The following MBP variants were observed in gnomAD, a reference collection of about 807,000 sequenced individuals.
MBP encodes Golli-MBP.
In MBP, 16 loss-of-function variants were observed where a neutral mutation model predicts 35.8. The ratio of observed to expected loss-of-function variants is 0.45; its 90% confidence interval spans 0.30 to 0.68. MBP has a LOEUF of 0.68. Among genes scored for constraint, MBP ranks in the 30% least tolerant of loss-of-function variants. MBP has a pLI of 0.08. For missense variants in MBP, 380 were observed against 404.7 expected (o/e 0.94, Z 0.52); for synonymous variants, 143 against 159.6 (o/e 0.90, Z 0.78).
intron 2 of MBP, among the ~76,000 whole-genome samples, chr18:77,084,410 C>A (rs763954158): frequency 2.1e-5 from 1 of 47,610 alleles, no homozygotes; most frequent in Admixed American, 2.3e-4. Context: ...ATCACAACAC[C>A]GCCCCCCCCG....
intron 4 of MBP, among the ~76,000 whole-genome samples, chr18:77,010,686 C>T (rs1373018043): frequency 1.3e-5 from 2 of 152,220 alleles, no homozygotes; most frequent in Non-Finnish European, 2.9e-5. Flanking sequence ...GCAGGAGCTA[C>T]GCATTCACCT....
At chr18:76,991,880 A>G (rs1969946850) in intron 4 of MBP, among the ~76,000 whole-genome samples, 1 of 152,204 alleles carries the variant, frequency 6.6e-6, no homozygotes. Context: ...CAGTTTTGCC[A>G]CCAAAGGCCT....
At chr18:77,012,838 T>A in intron 4 of MBP, 1 of 985,382 alleles carries the variant, frequency 1.0e-6, no homozygotes, top group African/African-American at 1.7e-5. Flanking sequence ...GGCAGAAAAA[T>A]ATATAAAGCC....
chr18:77,100,391 A>G (rs936062291), intron 2 of MBP, among the ~76,000 whole-genome samples: 2 of 152,106 alleles, frequency 1.3e-5, no homozygotes, highest in Non-Finnish European at 2.9e-5. Context: ...CTAGTCTGCT[A>G]TTTTGTTATG....
intron 3 of MBP, among the ~76,000 whole-genome samples, chr18:77,053,287 T>A (rs1333924177): frequency 6.6e-6 from 1 of 152,208 alleles, no homozygotes; most frequent in Non-Finnish European, 1.5e-5. Context: ...GGGGCCCCAC[T>A]GCAGGTCCAG....
At chr18:77,097,170 A>T (rs1009744457) in intron 2 of MBP, 27 of 152,156 alleles carry the variant, frequency 1.8e-4, no homozygotes, top group Admixed American at 1.2e-3. Flanking sequence ...CGGGGCAAGG[A>T]CTCCCCTGAT....
At chr18:77,041,871 A>G (rs567053046) in intron 3 of MBP, among the ~76,000 whole-genome samples, 1 of 151,884 alleles carries the variant, frequency 6.6e-6, no homozygotes, top group African/African-American at 2.4e-5. Flanking sequence ...TGGCACATGT[A>G]TACATATGTA....
chr18:77,133,076 GCTTGGCCTCCGAAC>G (rs1977339960), upstream of MBP, among the ~76,000 whole-genome samples: 1 of 152,102 alleles, frequency 6.6e-6, no homozygotes, highest in Non-Finnish European at 1.5e-5. Context: ...CCGTTCGGAG[GCTTGGCCTCCGAAC>G]CCACCCCGAC....
chr18:77,090,779 A>G (rs1975483482), intron 2 of MBP, among the ~76,000 whole-genome samples: 2 of 152,180 alleles, frequency 1.3e-5, no homozygotes, highest in South Asian at 2.1e-4. Context: ...CATGTCCTCT[A>G]GCACTGTGTC....
At chr18:77,018,596 CCCT>C (rs61721970) in intron 3 of MBP, among the ~76,000 whole-genome samples, 14,611 of 140,554 alleles carry the variant, frequency 0.1, 979 homozygotes, top group East Asian at 0.24. Context: ...ATCCACCCAC[CCCT>C]CCATCTATCC....
chr18:76,994,534 G>C (rs1970160064), intron 4 of MBP, among the ~76,000 whole-genome samples: 1 of 152,172 alleles, frequency 6.6e-6, no homozygotes, highest in Non-Finnish European at 1.5e-5. Flanking sequence ...CTTCACATGT[G>C]AATTATGAAT....
chr18:77,120,108 T>TCCCG (rs1278228876), intron 1 of MBP, among the ~76,000 whole-genome samples: 1 of 152,142 alleles, frequency 6.6e-6, no homozygotes, highest in East Asian at 1.9e-4. Context: ...GAAGCATGAA[T>TCCCG]CCCGCCTTGT....
chr18:77,054,089 G>C (rs1272039303), intron 3 of MBP, among the ~76,000 whole-genome samples: 10 of 152,216 alleles, frequency 6.6e-5, no homozygotes, highest in Admixed American at 6.5e-4. Context: ...CCCTTGGGCT[G>C]TCCTCCCGGT....
At chr18:77,046,611 C>G (rs531020706) in intron 3 of MBP, among the ~76,000 whole-genome samples, 6 of 152,370 alleles carry the variant, frequency 3.9e-5, no homozygotes, top group African/African-American at 1.4e-4. Flanking sequence ...GGGGCAAGGC[C>G]AGGGCCGGGC....
chr18:77,055,689 T>C (rs774440798), intron 3 of MBP, among the ~76,000 whole-genome samples: 31 of 152,156 alleles, frequency 2.0e-4, no homozygotes, highest in South Asian at 6.2e-4. Flanking sequence ...ATTATTGCTT[T>C]AAATAAGGTG....
At chr18:77,077,630 C>T (rs532122036) in intron 2 of MBP, among the ~76,000 whole-genome samples, 55 of 152,138 alleles carry the variant, frequency 3.6e-4, no homozygotes, top group Non-Finnish European at 5.9e-4. Context: ...CGTGACTCCT[C>T]GATGCTGGGC....
intron 4 of MBP, among the ~76,000 whole-genome samples, chr18:76,993,878 A>G (rs959652889): frequency 1.3e-5 from 2 of 152,198 alleles, no homozygotes; most frequent in African/African-American, 4.8e-5. Context: ...GAACGTGAGG[A>G]TGTCAGAAGG....
At chr18:77,024,177 G>A (rs1972106470) in intron 3 of MBP, among the ~76,000 whole-genome samples, 1 of 152,216 alleles carries the variant, frequency 6.6e-6, no homozygotes, top group Non-Finnish European at 1.5e-5. Context: ...CAGGCCGCAT[G>A]CAGCCCAGGA....
chr18:76,990,082 A>G (rs1969809197), intron 4 of MBP, 22 bp from the exon 5 acceptor site: 15 of 1,545,548 alleles, frequency 9.7e-6, no homozygotes, highest in Non-Finnish European at 1.3e-5. Flanking sequence ...AGGCGCGGTG[A>G]CCTCAGGACA....
Sources: gnomAD v4.1 joint callset for allele counts (sites outside exome capture counted in the v4.1 genomes callset) on GRCh38, gnomAD v4.1.1 for gene constraint, MANE v1.5 for transcripts, NCBI Gene and HGNC (gene_info 2026-07-23, HGNC 2026-07-21) for gene names.